The following SMCO4 variants were observed in gnomAD, a reference collection of about 807,000 sequenced individuals.
SMCO4 encodes the protein single-pass membrane protein with coiled-coil domains 4, also known as single-pass membrane and coiled-coil domain-containing protein 4.
A neutral mutation model predicts 3.6 loss-of-function variants in SMCO4; 4 were observed. The ratio of observed to expected loss-of-function variants is 1.11; its 90% CI spans 0.54 to 2.53. The LOEUF (loss-of-function observed/expected upper bound fraction) is 2.53. Among genes scored for constraint, SMCO4 ranks in the 30% most tolerant of loss-of-function variants. SMCO4 has a pLI of 0.02. For missense variants in SMCO4, 70 were observed against 80.8 expected, an observed-to-expected ratio of 0.87 and a Z score of 0.51; for synonymous variants, 36 against 35.3, an observed-to-expected ratio of 1.02 and a Z score of -0.07.
At position 93,478,966 on chromosome 11, in the gene SMCO4, C is replaced by T. The variant is rs200695650; in HGVS notation, c.*44G>A. The T allele has an allele frequency of 4.0e-3, 6,282 of 1,568,572 alleles. 14 individuals are homozygous for T. Among genetic ancestry groups the T allele is most frequent in the Non-Finnish European group, 4.9e-3 (5,707 of 1,156,970 alleles). ...ATTTTTTGTTTGCGTCCCCCTCCCG[C>T]GCCTCCTCTCCCTGCCGATGGGGTC... is the stretch of plus-strand genomic sequence containing the variant. On this transcript the variant is annotated 3_prime_UTR_variant, in exon 3 of 3. Transcript: ENST00000298966.
chr11:93,536,381 G>A (rs1949225274), intron 1 of SMCO4, among the ~76,000 whole-genome samples: 1 of 152,150 alleles, frequency 6.6e-6, no homozygotes, highest in Non-Finnish European at 1.5e-5. Flanking sequence ...AAACTAATGA[G>A]TTAGTTTATA....
intron 1 of SMCO4, among the ~76,000 whole-genome samples, chr11:93,526,349 A>G (rs2605627): frequency 0.79 from 119,978 of 151,610 alleles, 47,870 homozygotes; most frequent in South Asian, 0.86. Context: ...GAAAGTTGCT[A>G]TGTACTTTCA....
At chr11:93,517,359 C>T (rs978751633) in intron 1 of SMCO4, among the ~76,000 whole-genome samples, 1 of 152,136 alleles carries the variant, frequency 6.6e-6, no homozygotes, top group African/African-American at 2.4e-5. Flanking sequence ...TTAATTGAGC[C>T]CTTGCTGTCT....
intron 1 of SMCO4, among the ~76,000 whole-genome samples, chr11:93,515,176 C>T (rs1948997721): frequency 6.6e-6 from 1 of 152,142 alleles, no homozygotes; most frequent in African/African-American, 2.4e-5. Flanking sequence ...TCATTCATTT[C>T]CTACAAATAC....
chr11:93,479,711 C>A (rs563594289), intron 2 of SMCO4, among the ~76,000 whole-genome samples: 1 of 152,208 alleles, frequency 6.6e-6, no homozygotes, highest in Admixed American at 6.5e-5. Context: ...CACGTAGCCC[C>A]CTTCCTGCCC....
At position 93,479,287 on chromosome 11, in the gene SMCO4, G is replaced by A. The variant is rs929611991; in HGVS notation, c.-80-18C>T. ...GGAACCTCCTGTAGAGAGAACAACT[G>A]TGATAGTAGAGAATAAACCAAATAG... On this transcript the variant is annotated intron_variant, in intron 2 of 2. Transcript: ENST00000298966. 11 of 1,494,266 alleles carry A rather than the reference G, an allele frequency of 7.4e-6. No homozygotes were observed. The African/African-American group carries it at 1.4e-4, about 19-fold the overall frequency. 92.6% of individuals were successfully genotyped at this position (1,494,266 alleles called of 1,614,324 possible).
chr11:93,534,059 C>T (rs543145755), intron 1 of SMCO4, among the ~76,000 whole-genome samples: 44 of 151,608 alleles, frequency 2.9e-4, no homozygotes, highest in Admixed American at 4.6e-4. Context: ...GGCGTGGTGG[C>T]GCACACCTGT....
chr11:93,483,007 A>G (rs1310953342), intron 2 of SMCO4, among the ~76,000 whole-genome samples: 1 of 152,234 alleles, frequency 6.6e-6, no homozygotes, highest in Non-Finnish European at 1.5e-5. Context: ...TCTCTGTAGG[A>G]GCAAGACAAG....
intron 1 of SMCO4, among the ~76,000 whole-genome samples, chr11:93,533,433 G>A (rs1949181882): frequency 1.3e-5 from 2 of 152,272 alleles, no homozygotes; most frequent in South Asian, 2.1e-4. Context: ...GCAACACATG[G>A]CAGTGCAGGG....
chr11:93,502,805 T>C (rs1183180922), intron 1 of SMCO4, among the ~76,000 whole-genome samples: 1 of 152,224 alleles, frequency 6.6e-6, no homozygotes, highest in Non-Finnish European at 1.5e-5. Context: ...TAGATTCATT[T>C]AAAAACTCTT....
At chr11:93,516,413 G>A (rs1384497838) in intron 1 of SMCO4, among the ~76,000 whole-genome samples, 1 of 152,210 alleles carries the variant, frequency 6.6e-6, no homozygotes, top group Non-Finnish European at 1.5e-5. Context: ...GCACTAAATT[G>A]TGAAGTACCA....
chr11:93,530,910 C>T (rs1949155730), intron 1 of SMCO4, among the ~76,000 whole-genome samples: 1 of 152,188 alleles, frequency 6.6e-6, no homozygotes, highest in Admixed American at 6.5e-5. Flanking sequence ...ACCACCTGGA[C>T]AGAACAGAGT....
At position 93,479,054 on chromosome 11, in the gene SMCO4, C is replaced by T. The variant is rs1591298848; in HGVS notation, c.136G>A (p.Val46Met). The T allele has an allele frequency of 2.5e-6, 4 of 1,613,428 alleles. No individual in the cohort carries two copies. The highest frequency in any genetic ancestry group is 2.5e-6 in the Non-Finnish European group (3 of 1,179,920). ...CGCGTGGCCACGTACACAAACACCA[C>T]GATCAAGAGCACGACCACGGCCAGC... Reference protein sequence around the residue: ...PTLAVVVLLIVVFVYVATRPT... With the variant: ...PTLAVVVLLIMVFVYVATRPT... The change falls in exon 3 of 3, where the codon GTG becomes ATG. Residue 46 changes from valine to methionine, a missense_variant. By Grantham distance (21) the Val-to-Met change is conservative. Coordinates refer to ENST00000298966, the MANE Select transcript of SMCO4 (RefSeq NM_020179.3).
At chr11:93,541,861 G>T (rs1035205913) in intron 1 of SMCO4, among the ~76,000 whole-genome samples, 3 of 152,314 alleles carry the variant, frequency 2.0e-5, no homozygotes, top group East Asian at 3.9e-4. Flanking sequence ...CAAGAAAAAA[G>T]ATTTCACTGT....
intron 1 of SMCO4, among the ~76,000 whole-genome samples, chr11:93,541,626 ACTTT>A (rs1205456932): frequency 3.9e-5 from 6 of 152,346 alleles, no homozygotes; most frequent in African/African-American, 1.4e-4. Context: ...TGAAATACAC[ACTTT>A]CTAAGCACAA....
intron 1 of SMCO4, among the ~76,000 whole-genome samples, chr11:93,514,170 T>C (rs1438981040): frequency 6.6e-6 from 1 of 151,084 alleles, no homozygotes; most frequent in Non-Finnish European, 1.5e-5. Context: ...GTGGGGAAAA[T>C]GGAAGGAGGG....
intron 2 of SMCO4, among the ~76,000 whole-genome samples, chr11:93,489,929 A>G (rs1315293407): frequency 2.0e-5 from 3 of 152,146 alleles, no homozygotes; most frequent in Non-Finnish European, 4.4e-5. Context: ...CCAAGTTGTG[A>G]TAAGGTGACT....
At chr11:93,524,387 G>C (rs1949086655) in intron 1 of SMCO4, among the ~76,000 whole-genome samples, 1 of 152,122 alleles carries the variant, frequency 6.6e-6, no homozygotes, top group Admixed American at 6.5e-5. Context: ...CGGAATACAA[G>C]CTGATTTTAA....
At chr11:93,539,615 C>T (rs1949255444) in intron 1 of SMCO4, among the ~76,000 whole-genome samples, 1 of 152,180 alleles carries the variant, frequency 6.6e-6, no homozygotes, top group Admixed American at 6.5e-5. Flanking sequence ...AGAGGAAATT[C>T]TGGCATCAGT....
Sources: allele counts gnomAD v4.1 joint callset (sites outside exome capture counted in the v4.1 genomes callset), GRCh38; gene constraint gnomAD v4.1.1; transcripts MANE v1.5; gene names NCBI Gene and HGNC (gene_info 2026-07-23, HGNC 2026-07-21).